ADGRB1: variants seen among roughly 807,000 people sequenced by gnomAD.
ADGRB1 encodes brain-specific angiogenesis inhibitor 1.
In ADGRB1, 36 loss-of-function variants were observed where a neutral mutation model predicts 175.7. That is an observed-to-expected ratio of 0.20 (90% CI 0.16 to 0.27). The LOEUF (loss-of-function observed/expected upper bound fraction) is 0.27, where lower values mean the gene tolerates loss of function less well. Ranked by LOEUF, ADGRB1 falls within the 10% of genes least tolerant of loss-of-function variation. ADGRB1 has a pLI of 1.00. For missense variants in ADGRB1, 1,731 were observed against 2,255.3 expected (o/e 0.77, Z 4.71); for synonymous variants, 1,054 against 979.4 (o/e 1.08, Z -1.42).
intron 23 of ADGRB1, among the ~76,000 whole-genome samples, chr8:142,524,640 G>A (rs767998822): frequency 6.6e-6 from 1 of 152,178 alleles, no homozygotes; most frequent in African/African-American, 2.4e-5. Context: ...CGGATGATGC[G>A]AGCAGCGGGG....
intron 18 of ADGRB1, among the ~76,000 whole-genome samples, chr8:142,516,663 GGGTCCCAGGTGCATGCC>G (rs1431991330): frequency 9.3e-5 from 13 of 139,072 alleles, no homozygotes; most frequent in South Asian, 2.3e-4. Flanking sequence ...GTGTGTGTGT[GGGTCCCAGGTGCATGCC>G]TGTGTGCGGG....
At chr8:142,527,091 T>C (rs1844248756) in intron 24 of ADGRB1, among the ~76,000 whole-genome samples, 2 of 152,166 alleles carry the variant, frequency 1.3e-5, no homozygotes, top group Non-Finnish European at 2.9e-5. Flanking sequence ...CAGGTGGAGC[T>C]GATGTTCCTC....
At chr8:142,506,906 G>T (rs1370098552) in intron 17 of ADGRB1, among the ~76,000 whole-genome samples, 1 of 152,222 alleles carries the variant, frequency 6.6e-6, no homozygotes, top group African/African-American at 2.4e-5. Context: ...AACCTGCATT[G>T]GCTGAGTTTA....
intron 1 of ADGRB1, among the ~76,000 whole-genome samples, chr8:142,460,705 T>C (rs1198992920): frequency 6.6e-6 from 1 of 152,130 alleles, no homozygotes; most frequent in African/African-American, 2.4e-5. Flanking sequence ...GCCTGGCCCT[T>C]AGCCCCTCCT....
intron 2 of ADGRB1, among the ~76,000 whole-genome samples, chr8:142,471,944 T>A (rs1840691018): frequency 6.6e-6 from 1 of 152,134 alleles, no homozygotes; most frequent in Non-Finnish European, 1.5e-5. Flanking sequence ...AAACCCTAAC[T>A]TGGAGCCTGG....
chr8:142,536,978 C>T lies in ADGRB1; in HGVS notation c.3571-9C>T, dbSNP rs1444276205. On this transcript the variant is annotated splice_polypyrimidine_tract_variant and intron_variant, in intron 25 of 30. Coordinates refer to ENST00000517894, the MANE Select transcript of ADGRB1 (RefSeq NM_001702.3). ...GCTGCCACTGAGGTGCTCGGCTCTC[C>T]CTCCCCAGGTCCAGGACGCTGTGAA... is the stretch of plus-strand genomic sequence containing the variant. 2 of 1,577,046 alleles carry T rather than the reference C, an allele frequency of 1.3e-6. No individual in the cohort carries two copies. The highest frequency in any genetic ancestry group is 1.4e-5 in the African/African-American group (1 of 73,640).
intron 1 of ADGRB1, among the ~76,000 whole-genome samples, chr8:142,457,842 T>A (rs1236981699): frequency 6.6e-6 from 1 of 152,126 alleles, no homozygotes; most frequent in South Asian, 2.1e-4. Flanking sequence ...CCTGGGCCCA[T>A]GTCAGGGGCC....
chr8:142,485,722 C>T (rs915790994), intron 13 of ADGRB1, among the ~76,000 whole-genome samples: 3 of 152,214 alleles, frequency 2.0e-5, no homozygotes, highest in Non-Finnish European at 4.4e-5. Context: ...CAGCCCACAG[C>T]CCCTGGAATG....
intron 16 of ADGRB1, among the ~76,000 whole-genome samples, chr8:142,490,489 C>T (rs1841930348): frequency 6.6e-6 from 1 of 152,220 alleles, no homozygotes; most frequent in African/African-American, 2.4e-5. Context: ...AGACGGACTT[C>T]AGCCATTGCT....
chr8:142,450,607 G>A (rs1351625691), intron 1 of ADGRB1, among the ~76,000 whole-genome samples: 1 of 151,722 alleles, frequency 6.6e-6, no homozygotes, highest in Non-Finnish European at 1.5e-5. Context: ...TCACGTCCAG[G>A]GCCCCCTACA....
chr8:142,532,105 T>C (rs993522413), intron 24 of ADGRB1, among the ~76,000 whole-genome samples: 15 of 152,004 alleles, frequency 9.9e-5, no homozygotes, highest in African/African-American at 3.6e-4. Flanking sequence ...GGCCCCCTAC[T>C]CCCTATTCAG....
intron 11 of ADGRB1, among the ~76,000 whole-genome samples, chr8:142,482,996 T>G (rs1437361362): frequency 1.3e-5 from 2 of 148,770 alleles, no homozygotes; most frequent in African/African-American, 2.5e-5. Flanking sequence ...GGTCACACAC[T>G]GAGCCCTGAT....
At position 142,537,549 on chromosome 8, in the gene ADGRB1, G is replaced by A. The variant is rs990795861; in HGVS notation, c.3666+467G>A. ...TATTCCCACCTGCTGCCTCCCTGGC[G>A]CTCCCTGGGTGCTGCCCAGTCCTCA... is the stretch of plus-strand genomic sequence containing the variant. On this transcript the variant is annotated intron_variant, in intron 26 of 30. Coordinates refer to ENST00000517894, the MANE Select transcript of ADGRB1 (RefSeq NM_001702.3). This position sits in a 1 kb window ranked among gnomAD's most constrained non-coding sequence, Gnocchi z 4.6. Among the ~76,000 whole-genome samples the A allele has an allele frequency of 6.6e-5, 10 of 151,566 alleles. No homozygotes were observed. The highest frequency in any genetic ancestry group is 3.3e-4 in the Admixed American group (5 of 15,234).
Position 142,450,110 on chromosome 8 carries a change from G to A in ADGRB1, c.-220+6G>A, listed in dbSNP as rs1304997094. The A allele has an allele frequency of 6.8e-6, 1 of 147,134 alleles. No homozygotes were observed. Among genetic ancestry groups the A allele is most frequent in the East Asian group, 2.1e-4 (1 of 4,830 alleles). The allele number at this position is 147,134 out of a possible 1,614,324, so 9.1% of individuals were successfully genotyped here. A position where few individuals can be genotyped will look rare whatever the true frequency, so the allele number is the denominator to read the frequency against. ...GGCCGCTGCTGCTGGGGAAGGTAAG[G>A]AAGGCTCCGGCGGGGGGCTGGGGGC... On this transcript the variant is annotated splice_donor_region_variant and intron_variant, in intron 1 of 30. Coordinates refer to ENST00000517894, the MANE Select transcript of ADGRB1 (RefSeq NM_001702.3).
chr8:142,539,567 C>A, intron 27 of ADGRB1, 154 bp downstream of exon 27: 1 of 939,218 alleles, frequency 1.1e-6, no homozygotes, highest in Admixed American at 2.2e-5. Flanking sequence ...CACCTGGACC[C>A]AGGGGACCTG....
intron 25 of ADGRB1, among the ~76,000 whole-genome samples, chr8:142,534,519 G>A (rs551776053): frequency 3.3e-5 from 5 of 152,302 alleles, no homozygotes; most frequent in Admixed American, 6.5e-5. Flanking sequence ...AGACCTCTGC[G>A]GGGAGGTGTG....
At chr8:142,469,292 T>G (rs559223514) in intron 2 of ADGRB1, among the ~76,000 whole-genome samples, 6 of 151,624 alleles carry the variant, frequency 4.0e-5, no homozygotes, top group Admixed American at 3.3e-4. Flanking sequence ...TGAATGTGTG[T>G]GCACGCGTGC....
At chr8:142,526,840 G>A (rs1401711717) in intron 24 of ADGRB1, among the ~76,000 whole-genome samples, 1 of 152,214 alleles carries the variant, frequency 6.6e-6, no homozygotes. Context: ...CATCTGACCT[G>A]GACAGGGTGG....
At chr8:142,505,856 C>G (rs1160702458) in intron 17 of ADGRB1, among the ~76,000 whole-genome samples, 1 of 152,146 alleles carries the variant, frequency 6.6e-6, no homozygotes, top group Non-Finnish European at 1.5e-5. Flanking sequence ...GTGGGGCTCT[C>G]CATGCATTTT....
Sources: allele counts gnomAD v4.1 joint callset (sites outside exome capture counted in the v4.1 genomes callset), GRCh38; gene constraint gnomAD v4.1.1; non-coding constraint Gnocchi (gnomAD v3.1); transcripts MANE v1.5; gene names NCBI Gene and HGNC (gene_info 2026-07-23, HGNC 2026-07-21).